The following THSD7A variants were observed in gnomAD, a reference collection of about 807,000 sequenced individuals.
The protein encoded by THSD7A is thrombospondin type 1 domain containing 7A.
In THSD7A, 96 loss-of-function variants were observed where a neutral mutation model predicts 231.3. That is an observed-to-expected ratio of 0.41 (90% CI 0.35 to 0.49). The LOEUF is 0.49. THSD7A is among the 20% of genes least tolerant of loss of function. THSD7A has a pLI of 0.05. For synonymous variants in THSD7A, 940 were observed against 743.3 expected (o/e 1.26, Z -4.30); for missense variants, 2,290 against 2,070.2 (o/e 1.11, Z -2.06).
chr7:11,820,853 T>C lies in THSD7A; in HGVS notation c.190+10904A>G. The C allele has an allele frequency of 5.3e-6, 5 of 947,420 alleles. 1 individual carries two copies. The South Asian group carries it at 6.6e-5, about 12-fold the overall frequency. The allele number at this position is 947,420 out of a possible 1,614,324, so 58.7% of individuals were successfully genotyped here. ...CTTCTTTGATCCTTTATAAGTTTTC[T>C]GTTTTCTCAGCTGACCTTTCCCTCG... On this transcript the variant is annotated intron_variant, in intron 1 of 27. Transcript: ENST00000423059.
chr7:11,565,908 G>C (rs181611639), intron 4 of THSD7A, among the ~76,000 whole-genome samples: 1 of 152,140 alleles, frequency 6.6e-6, no homozygotes, highest in African/African-American at 2.4e-5. Flanking sequence ...TGGCAGGTCT[G>C]AATTAAACTG....
At chr7:11,530,972 C>G (rs1788685625) in intron 6 of THSD7A, among the ~76,000 whole-genome samples, 1 of 152,144 alleles carries the variant, frequency 6.6e-6, no homozygotes, top group Non-Finnish European at 1.5e-5. Context: ...GATCGTGCCA[C>G]TGCACTCCAG....
intron 1 of THSD7A, among the ~76,000 whole-genome samples, chr7:11,811,402 T>C (rs1333267463): frequency 2.0e-5 from 3 of 152,186 alleles, no homozygotes; most frequent in Non-Finnish European, 4.4e-5. Context: ...TTCTTCCTCC[T>C]CAAGAGACTT....
intron 6 of THSD7A, among the ~76,000 whole-genome samples, chr7:11,535,017 G>A (rs960272491): frequency 6.6e-6 from 1 of 152,138 alleles, no homozygotes; most frequent in South Asian, 2.1e-4. Context: ...TCTGTGTTGT[G>A]TTAAGGTACC....
chr7:11,647,667 G>A (rs1782333757), intron 1 of THSD7A, among the ~76,000 whole-genome samples: 1 of 152,080 alleles, frequency 6.6e-6, no homozygotes, highest in South Asian at 2.1e-4. Flanking sequence ...CAAGTCCTCT[G>A]ATTATGATGC....
intron 1 of THSD7A, among the ~76,000 whole-genome samples, chr7:11,664,174 A>G (rs1783034799): frequency 6.6e-6 from 1 of 151,724 alleles, no homozygotes; most frequent in African/African-American, 2.4e-5. Context: ...AGTTTTTCTA[A>G]TAGAAAACAT....
chr7:11,670,708 T>A (rs1783350422), intron 1 of THSD7A, among the ~76,000 whole-genome samples: 1 of 152,196 alleles, frequency 6.6e-6, no homozygotes, highest in African/African-American at 2.4e-5. Context: ...TATTAACTTA[T>A]TCTGCACAAG....
At chr7:11,516,652 A>G (rs1788042285) in intron 6 of THSD7A, among the ~76,000 whole-genome samples, 2 of 152,232 alleles carry the variant, frequency 1.3e-5, no homozygotes, top group Admixed American at 6.5e-5. Flanking sequence ...TTAAGAAAAA[A>G]TTTGCTATTT....
At chr7:11,405,978 T>C (rs947413912) in intron 22 of THSD7A, among the ~76,000 whole-genome samples, 3 of 152,182 alleles carry the variant, frequency 2.0e-5, no homozygotes, top group Non-Finnish European at 2.9e-5. Context: ...GAATAGGTTA[T>C]GTTTTGTCCT....
rs1232591564 is a variant in THSD7A at position 11,636,465 on chromosome 7, G to A, written c.687C>T (p.Gly229=). Residue 229 remains glycine (G), a synonymous_variant, in exon 2 of 28, where the codon GGC becomes GGT. Transcript: ENST00000423059. The surrounding 1 kb of genome is among the most constrained non-coding windows in gnomAD (Gnocchi z 10.0). ...ACTCCGTCAGGTTTGGACAGCCAGA[G>A]CCTCCGAACTGCGGGGGCGCCACCA... ...RHVVAPPQFG[G]SGCPNLTEFQ... 1.9e-6 allele frequency: 3 copies of A among 1,613,648 alleles called. No individual in the cohort carries two copies. The highest frequency in any genetic ancestry group is 1.1e-5 in the South Asian group (1 of 91,080).
At chr7:11,379,568 A>C in intron 25 of THSD7A, 62 bp downstream of exon 25, 1 of 1,416,410 alleles carries the variant, frequency 7.1e-7, no homozygotes, top group South Asian at 1.2e-5. Context: ...TAAACTGCAT[A>C]AGAGACAGTG....
intron 1 of THSD7A, among the ~76,000 whole-genome samples, chr7:11,795,031 T>C (rs1784081650): frequency 6.6e-6 from 1 of 152,006 alleles, no homozygotes; most frequent in Non-Finnish European, 1.5e-5. Context: ...ATAGGCTGCA[T>C]GGTATTCTAT....
At chr7:11,821,047 G>C in intron 1 of THSD7A, 1 of 975,750 alleles carries the variant, frequency 1.0e-6, no homozygotes, top group Non-Finnish European at 1.6e-6. Context: ...ATTTCATCAC[G>C]AGCCAAACCA....
chr7:11,424,864 A>G (rs773818290), intron 15 of THSD7A, 35 bp from the exon 16 acceptor site: 3 of 1,612,916 alleles, frequency 1.9e-6, no homozygotes, highest in Non-Finnish European at 2.5e-6. Flanking sequence ...ATCTCAGGGA[A>G]TCTGGTAAGA....
chr7:11,459,127 T>C (rs1562625732), intron 11 of THSD7A, among the ~76,000 whole-genome samples: 1 of 152,292 alleles, frequency 6.6e-6, no homozygotes, highest in East Asian at 1.9e-4. Flanking sequence ...CACATTTTGA[T>C]CTCTGGGTAT....
At chr7:11,730,757 A>C (rs1781700742) in intron 1 of THSD7A, among the ~76,000 whole-genome samples, 1 of 151,622 alleles carries the variant, frequency 6.6e-6, no homozygotes, top group Admixed American at 6.6e-5. Flanking sequence ...ATTTTTGAGC[A>C]CTATTTTCTG....
At chr7:11,665,316 C>A (rs111391500) in intron 1 of THSD7A, among the ~76,000 whole-genome samples, 39 of 151,976 alleles carry the variant, frequency 2.6e-4, no homozygotes, top group African/African-American at 8.7e-4. Flanking sequence ...ATTTTCAGAC[C>A]CTGCCAGCTG....
At chr7:11,460,920 G>A (rs1785483469) in intron 10 of THSD7A, among the ~76,000 whole-genome samples, 155 bp from the exon 11 acceptor site, 2 of 152,220 alleles carry the variant, frequency 1.3e-5, no homozygotes, top group African/African-American at 2.4e-5. Flanking sequence ...CTCCATCTAG[G>A]CTTTAGAAGA....
intron 2 of THSD7A, among the ~76,000 whole-genome samples, chr7:11,614,944 ATGT>A (rs2128350310): frequency 6.6e-6 from 1 of 152,350 alleles, no homozygotes; most frequent in Non-Finnish European, 1.5e-5. Context: ...TATGTTGATG[ATGT>A]TATTGATATT....
Sources: gnomAD v4.1 joint callset for allele counts (sites outside exome capture counted in the v4.1 genomes callset) on GRCh38, gnomAD v4.1.1 for gene constraint, Gnocchi (gnomAD v3.1) non-coding constraint, MANE v1.5 for transcripts, NCBI Gene and HGNC (gene_info 2026-07-23, HGNC 2026-07-21) for gene names.